The following CMC4 variants were observed in gnomAD, a reference collection of about 807,000 sequenced individuals.
CMC4 encodes the protein cx9C motif-containing protein 4.
CMC4 carries 4 observed loss-of-function variants against 5.1 expected under a neutral mutation model. That is an observed-to-expected ratio of 0.78 (90% CI 0.38 to 1.78). The LOEUF (loss-of-function observed/expected upper bound fraction) is 1.78. CMC4 is among the 40% of genes most tolerant of loss of function. The pLI, the probability that CMC4 is intolerant of heterozygous loss-of-function variation, is 0.04. For synonymous variants in CMC4, 23 were observed against 18.9 expected, an observed-to-expected ratio of 1.22 and a Z score of -0.57; for missense variants, 52 against 51.3, an observed-to-expected ratio of 1.01 and a Z score of -0.04.
rs149712725 is a variant in CMC4 at position 155,069,236 on chromosome X, A to G, written c.-11+1458T>C. On this transcript the variant is annotated intron_variant, in intron 1 of 2. Transcript: ENST00000369484. ...TGCCAGGTTGATGAACAGTTTTTAAACATTGATCAGTTGAATACACTTATT... is the reference window on the plus strand; with the variant it reads ...TGCCAGGTTGATGAACAGTTTTTAAGCATTGATCAGTTGAATACACTTATT... Among the ~76,000 whole-genome samples the G allele has an allele frequency of 3.5e-3, 391 of 112,675 alleles. 2 individuals are homozygous for G. Among genetic ancestry groups the G allele is most frequent in the African/African-American group, 0.012 (366 of 31,055 alleles).
intron 1 of CMC4, chrX:155,065,669 G>A (rs782688737): frequency 8.3e-6 from 10 of 1,209,598 alleles, no homozygotes; most frequent in African/African-American, 1.7e-5. Flanking sequence ...TCCATGTAGC[G>A]CTCCTCCGGG....
intron 1 of CMC4, among the ~76,000 whole-genome samples, chrX:155,068,455 G>A (rs1557292174): frequency 8.9e-6 from 1 of 112,278 alleles, no homozygotes; most frequent in Admixed American, 9.4e-5. Context: ...GTGTGTGCTA[G>A]CATTCAGAGG....
Position 155,061,672 on chromosome X carries a change from ATATTT to A in CMC4, c.*166_*170del. The A allele has an allele frequency of 2.0e-6, 1 of 512,137 alleles. No individual in the cohort carries two copies. Among genetic ancestry groups the A allele is most frequent in the Non-Finnish European group, 3.1e-6 (1 of 327,042 alleles). 42.2% of individuals were successfully genotyped at this position (512,137 alleles called of 1,213,427 possible). On this transcript the variant is annotated 3_prime_UTR_variant, in exon 3 of 3. Coordinates refer to ENST00000369484, the MANE Select transcript of CMC4 (RefSeq NM_001018024.3). ...AGCAGCTCAGTATATTACATTCTACATATTTGTCTTTTAATGTGTTTATATTTCTG... is the reference window on the plus strand; with the variant it reads ...AGCAGCTCAGTATATTACATTCTACAGTCTTTTAATGTGTTTATATTTCTG...
Position 155,071,090 on chromosome X carries a change from A to T in CMC4, c.-407T>A. 9.0e-6 allele frequency: 1 copy of T among 111,134 alleles called. No individual in the cohort carries two copies. Among genetic ancestry groups the T allele is most frequent in the African/African-American group, 3.2e-5 (1 of 30,830 alleles). The allele number at this position is 111,134 out of a possible 1,213,427, so 9.2% of individuals were successfully genotyped here. ...GCGGGCGGGCAAAATGGGCGCCGGT[A>T]CTCGGGAGGCGCCTGCCCAGGCGCC... On this transcript the variant is annotated 5_prime_UTR_variant, in exon 1 of 3. Coordinates refer to ENST00000369484, the MANE Select transcript of CMC4 (RefSeq NM_001018024.3).
chrX:155,070,170 G>T lies in CMC4; in HGVS notation c.-11+524C>A, dbSNP rs1479983168. On this transcript the variant is annotated intron_variant, in intron 1 of 2. Coordinates refer to ENST00000369484, the MANE Select transcript of CMC4 (RefSeq NM_001018024.3). ...GGGACCCTATGTGTGGGGAGACTTG[G>T]GTTGGAACTGACTTGGGAGAAAAGA... 6.3e-5 allele frequency among the ~76,000 whole-genome samples: 7 copies of T among 111,848 alleles called. No individual in the cohort carries two copies. The South Asian group carries it at 1.1e-3, about 18-fold the overall frequency.
intron 1 of CMC4, chrX:155,064,264 T>A: frequency 3.9e-6 from 1 of 256,637 alleles, no homozygotes; most frequent in Non-Finnish European, 7.0e-6. Flanking sequence ...AAACCTTGAA[T>A]TCAATCAACT....
At chrX:155,063,082 T>G (rs2073934547) in intron 2 of CMC4, among the ~76,000 whole-genome samples, 1 of 112,034 alleles carries the variant, frequency 8.9e-6, no homozygotes, top group Non-Finnish European at 1.9e-5. Context: ...TGCAAAAAAC[T>G]TTTTCCTTTT....
At chrX:155,066,614 T>C (rs2073949347) in intron 1 of CMC4, among the ~76,000 whole-genome samples, 1 of 112,262 alleles carries the variant, frequency 8.9e-6, no homozygotes, top group Non-Finnish European at 1.9e-5. Flanking sequence ...ACTAAGAAAG[T>C]TTACAAATAG....
At chrX:155,063,265 G>A (rs1557291755) in intron 2 of CMC4, among the ~76,000 whole-genome samples, 1 of 111,960 alleles carries the variant, frequency 8.9e-6, no homozygotes, top group Non-Finnish European at 1.9e-5. Context: ...GTGAATCTTT[G>A]GGGGAACTCT....
chrX:155,061,906 G>A lies in CMC4; in HGVS notation c.144C>T (p.Val48=). The A allele has an allele frequency of 1.1e-5, 13 of 1,211,314 alleles. No individual in the cohort carries two copies. The highest frequency in any genetic ancestry group is 5.9e-5 in the East Asian group (2 of 33,820). The change falls in exon 3 of 3, where the codon GTC becomes GTT. Residue 48 remains valine (V), a synonymous_variant. Transcript: ENST00000369484. ...CTTCTTTTTCAAATCCTGAACAGAC[G>A]ACAGATCTTCCCTTGGGATACTGAG... The part of the protein sequence containing the change: ...CCAQYPKGRS[V]VCSGFEKEEE...
At chrX:155,067,840 A>G (rs1557292133) in intron 1 of CMC4, among the ~76,000 whole-genome samples, 1 of 111,828 alleles carries the variant, frequency 8.9e-6, no homozygotes, top group African/African-American at 3.3e-5. Context: ...AAACAAAGGA[A>G]CGCCACAGTG....
rs1460522039 is a variant in CMC4 at position 155,061,954 on chromosome X, G to T, written c.96C>A (p.Ile32=). ...SYMESKCQAV[I]QELRKCCAQY... ...GAGCACAACACTTACGCAGTTCTTG[G>T]ATGACAGCCTGACACTTTGATTCCA... The change falls in exon 3 of 3, where the codon ATC becomes ATA. Residue 32 remains isoleucine (I), a synonymous_variant. Coordinates refer to ENST00000369484, the MANE Select transcript of CMC4 (RefSeq NM_001018024.3). 9.9e-6 allele frequency: 12 copies of T among 1,209,405 alleles called. No homozygotes were observed. Among genetic ancestry groups the T allele is most frequent in the Middle Eastern group, 2.3e-4 (1 of 4,375 alleles).
intron 1 of CMC4, chrX:155,065,829 C>T (rs781879800): frequency 8.3e-7 from 1 of 1,199,199 alleles, no homozygotes; most frequent in Non-Finnish European, 1.1e-6. Flanking sequence ...CCAAAGACTT[C>T]AGAATATTGA....
chrX:155,068,773 G>A (rs1349552269), intron 1 of CMC4, among the ~76,000 whole-genome samples: 3 of 112,355 alleles, frequency 2.7e-5, no homozygotes, highest in Non-Finnish European at 5.6e-5. Context: ...TATTTGACTA[G>A]AGAACATTTT....
rs1321307177 is a variant in CMC4 at position 155,062,063 on chromosome X, T to G, written c.59-72A>C. 3.1e-6 allele frequency: 3 copies of G among 980,644 alleles called. No homozygotes were observed. In the African/African-American group the frequency reaches 5.9e-5, roughly 19 times the overall value. 80.8% of individuals were successfully genotyped at this position (980,644 alleles called of 1,213,427 possible). Reference sequence around the variant, plus strand: ...GGTACAGGGAGGTTTAGATCAGTGCTTCCCACCCCTTTTCACTTTCAGTAC... The same window carrying G: ...GGTACAGGGAGGTTTAGATCAGTGCGTCCCACCCCTTTTCACTTTCAGTAC... On this transcript the variant is annotated intron_variant, in intron 2 of 2. Coordinates refer to ENST00000369484, the MANE Select transcript of CMC4 (RefSeq NM_001018024.3).
In CMC4 at chrX:155,068,844, A is replaced by G. The variant is rs782349934; in HGVS notation, c.-11+1850T>C. 2.7e-5 allele frequency among the ~76,000 whole-genome samples: 3 copies of G among 112,851 alleles called. No individual in the cohort carries two copies. In the Admixed American group the frequency reaches 2.8e-4, roughly 11 times the overall value. On this transcript the variant is annotated intron_variant, in intron 1 of 2. Coordinates refer to ENST00000369484, the MANE Select transcript of CMC4 (RefSeq NM_001018024.3). ...TTCTCGAACTAAGACGAATCTTTTAAAACCTCAACATAGACTTAGGTACAA... is the reference window on the plus strand; with the variant it reads ...TTCTCGAACTAAGACGAATCTTTTAGAACCTCAACATAGACTTAGGTACAA...
At position 155,066,752 on chromosome X, in the gene CMC4, T is replaced by C. The variant is rs1160511890; in HGVS notation, c.-10-2719A>G. Among the ~76,000 whole-genome samples the C allele has an allele frequency of 3.6e-5, 4 of 112,119 alleles. No individual in the cohort carries two copies. The Admixed American group carries it at 3.8e-4, about 11-fold the overall frequency. ...GCTGAGTGAGTGCAAATGAAAGTTATCCATCTAGGTCCTTGTTTTATTTTA... is the reference window on the plus strand; with the variant it reads ...GCTGAGTGAGTGCAAATGAAAGTTACCCATCTAGGTCCTTGTTTTATTTTA... On this transcript the variant is annotated intron_variant, in intron 1 of 2. Transcript: ENST00000369484.
chrX:155,062,743 T>C lies in CMC4; in HGVS notation c.59-752A>G, dbSNP rs376574508. ...ATAGCAAGGTGGGTAACAGTCCAGA[T>C]TTGGAGCTAGACCAAGGGCGGGGTT... On this transcript the variant is annotated intron_variant, in intron 2 of 2. Coordinates refer to ENST00000369484, the MANE Select transcript of CMC4 (RefSeq NM_001018024.3). 9.0e-5 allele frequency among the ~76,000 whole-genome samples: 10 copies of C among 111,520 alleles called. No individual in the cohort carries two copies. The East Asian group carries it at 2.5e-3, about 28-fold the overall frequency.
chrX:155,069,777 T>G (rs1474877866), intron 1 of CMC4, among the ~76,000 whole-genome samples: 1 of 112,158 alleles, frequency 8.9e-6, no homozygotes, highest in African/African-American at 3.2e-5. Flanking sequence ...ATTAGAAAAG[T>G]TAGTGAACCT....
Sources: allele counts gnomAD v4.1 joint callset (sites outside exome capture counted in the v4.1 genomes callset), GRCh38; gene constraint gnomAD v4.1.1; transcripts MANE v1.5; gene names NCBI Gene and HGNC (gene_info 2026-07-23, HGNC 2026-07-21).